The following GPC5 variants were observed in gnomAD, a reference collection of about 807,000 sequenced individuals.
The protein encoded by GPC5 is glypican 5, also known as glypican-5.
In GPC5, 47 loss-of-function variants were observed where a neutral mutation model predicts 53.9. The observed-to-expected ratio is 0.87, with a 90% CI of 0.69 to 1.11. The LOEUF (loss-of-function observed/expected upper bound fraction) is 1.11. Ranked by LOEUF, GPC5 falls within the 50% of genes most tolerant of loss-of-function variation. GPC5 has a pLI of 0.00. For missense variants in GPC5, 748 were observed against 713.1 expected, an observed-to-expected ratio of 1.05 and a Z score of -0.56; for synonymous variants, 286 against 263.3, an observed-to-expected ratio of 1.09 and a Z score of -0.84.
intron 7 of GPC5, among the ~76,000 whole-genome samples, chr13:92,406,095 G>A (rs1237568293): frequency 1.3e-5 from 2 of 152,246 alleles, no homozygotes; most frequent in East Asian, 1.9e-4. Context: ...CACCCTTTGT[G>A]TTCTGCACTG....
intron 7 of GPC5, among the ~76,000 whole-genome samples, chr13:92,439,371 CAG>C (rs1337186008): frequency 5.9e-5 from 9 of 152,268 alleles, no homozygotes; most frequent in Admixed American, 4.6e-4. Context: ...GTGACTTTGA[CAG>C]AGCATTTTCA....
intron 1 of GPC5, among the ~76,000 whole-genome samples, chr13:91,416,767 C>G (rs60512300): frequency 0.075 from 11,414 of 152,148 alleles, 1,372 homozygotes; most frequent in African/African-American, 0.26. Context: ...CATGTCCCTG[C>G]AAAGGACATG....
At position 92,125,923 on chromosome 13, in the gene GPC5, G is replaced by GTTTTTTTTTTTTTTTT. The variant is rs1566446337; in HGVS notation, c.1402-18907_1402-18906insTTTTTTTTTTTTTTTT. On this transcript the variant is annotated intron_variant, in intron 6 of 7. Transcript: ENST00000377067. ...ATTAGAAAGGAAACATTTGTTTTTT[G>GTTTTTTTTTTTTTTTT]GTTTTTTTTTTTTTTTTTTTTTTTT... is the stretch of plus-strand genomic sequence containing the variant. Among the ~76,000 whole-genome samples, 6 of 41,536 alleles carry GTTTTTTTTTTTTTTTT rather than the reference G, an allele frequency of 1.4e-4. 2 individuals carry two copies. The highest frequency in any genetic ancestry group is 9.9e-5 in the Non-Finnish European group (2 of 20,260). 27.2% of individuals were successfully genotyped at this position (41,536 alleles called of 152,430 possible).
intron 6 of GPC5, among the ~76,000 whole-genome samples, chr13:92,112,601 AG>A (rs2041566239): frequency 6.6e-6 from 1 of 152,144 alleles, no homozygotes; most frequent in Non-Finnish European, 1.5e-5. Flanking sequence ...GGCAAATGAT[AG>A]TGGATTATGA....
At chr13:91,421,163 C>G (rs907230458) in intron 1 of GPC5, among the ~76,000 whole-genome samples, 2 of 152,174 alleles carry the variant, frequency 1.3e-5, no homozygotes, top group African/African-American at 2.4e-5. Context: ...ATAAACACTT[C>G]CAAGGATTTT....
chr13:92,475,728 C>T (rs1257043139), intron 7 of GPC5, among the ~76,000 whole-genome samples: 13 of 152,172 alleles, frequency 8.5e-5, no homozygotes, highest in Admixed American at 2.6e-4. Context: ...TCAGAAATAA[C>T]GCTGAATATC....
rs1229202831 is a variant in GPC5, at chr13:92,347,907, TATATA to T, written c.1561+202924_1561+202928del. On this transcript the variant is annotated intron_variant, in intron 7 of 7. Transcript: ENST00000377067. Reference sequence around the variant, plus strand: ...TTATATATATTATATATATAATATATATATAATATATATATATTATATATACATCT... The same window carrying T: ...TTATATATATTATATATATAATATATATATATATATATTATATATACATCT... Among the ~76,000 whole-genome samples, 2 of 15,972 alleles carry T rather than the reference TATATA, an allele frequency of 1.3e-4. 1 individual carries two copies. Among genetic ancestry groups the T allele is most frequent in the Non-Finnish European group, 1.7e-4 (2 of 11,710 alleles). 10.5% of individuals were successfully genotyped at this position (15,972 alleles called of 152,430 possible).
chr13:92,859,077 C>CA, intron 7 of GPC5, among the ~76,000 whole-genome samples: 1 of 152,006 alleles, frequency 6.6e-6, no homozygotes, highest in Non-Finnish European at 1.5e-5. Flanking sequence ...CCCATCTCTA[C>CA]AAAAAACTTT....
intron 3 of GPC5, among the ~76,000 whole-genome samples, chr13:91,696,387 T>C (rs2035880148): frequency 6.6e-6 from 1 of 152,132 alleles, no homozygotes; most frequent in African/African-American, 2.4e-5. Flanking sequence ...AACAACTGAG[T>C]CCTCTTTTTT....
chr13:91,843,838 G>A (rs1395521514), intron 5 of GPC5, among the ~76,000 whole-genome samples: 1 of 152,064 alleles, frequency 6.6e-6, no homozygotes, highest in East Asian at 1.9e-4. Flanking sequence ...CTCCTGTTGC[G>A]GTGACTTGAT....
intron 5 of GPC5, among the ~76,000 whole-genome samples, chr13:91,882,789 T>A (rs2039281803): frequency 6.6e-6 from 1 of 151,070 alleles, no homozygotes; most frequent in African/African-American, 2.4e-5. Flanking sequence ...TTTGTGAACT[T>A]GCTTATAGTT....
chr13:91,471,911 G>A (rs938819092), intron 2 of GPC5, among the ~76,000 whole-genome samples: 1 of 152,090 alleles, frequency 6.6e-6, no homozygotes, highest in East Asian at 1.9e-4. Context: ...AACAGATTAG[G>A]ATTTTAGATT....
intron 6 of GPC5, among the ~76,000 whole-genome samples, chr13:92,008,511 A>G (rs2040631069): frequency 3.9e-5 from 6 of 151,934 alleles, no homozygotes; most frequent in Admixed American, 3.3e-4. Context: ...TTGGCAGCAC[A>G]TTCTTTCAGT....
At chr13:91,471,202 G>A (rs1689145904) in intron 2 of GPC5, among the ~76,000 whole-genome samples, 1 of 151,980 alleles carries the variant, frequency 6.6e-6, no homozygotes, top group Non-Finnish European at 1.5e-5. Flanking sequence ...CACCCCCTTG[G>A]GGCAGGACCT....
intron 7 of GPC5, among the ~76,000 whole-genome samples, chr13:92,637,707 T>C (rs1291034645): frequency 6.6e-6 from 1 of 152,136 alleles, no homozygotes; most frequent in Non-Finnish European, 1.5e-5. Flanking sequence ...TAAAATTCAC[T>C]ATGTCCAGCA....
chr13:92,088,481 C>G (rs116971810), intron 6 of GPC5, among the ~76,000 whole-genome samples: 5,602 of 152,220 alleles, frequency 0.037, 130 homozygotes, highest in Non-Finnish European at 0.056. Flanking sequence ...AGTTCTCTCA[C>G]ATTGGAATGA....
intron 3 of GPC5, among the ~76,000 whole-genome samples, chr13:91,727,462 C>A (rs1423492209): frequency 1.3e-5 from 2 of 152,084 alleles, no homozygotes; most frequent in East Asian, 1.9e-4. Context: ...ATTACAAGCT[C>A]TATTAGGAGA....
intron 6 of GPC5, among the ~76,000 whole-genome samples, chr13:92,133,151 C>G (rs1453364608): frequency 2.0e-5 from 3 of 152,084 alleles, no homozygotes; most frequent in Non-Finnish European, 4.4e-5. Flanking sequence ...CAAATGGCAC[C>G]CATTTTTCTC....
chr13:92,298,176 C>T lies in GPC5; in HGVS notation c.1561+153187C>T, dbSNP rs4322534. Among the ~76,000 whole-genome samples the T allele has an allele frequency of 8.6e-3, 1,313 of 152,262 alleles. 12 individuals are homozygous for T. Among genetic ancestry groups the T allele is most frequent in the Admixed American group, 0.018 (282 of 15,298 alleles). ...GCCAGTCTCACTCCTGCCGTGCCCC[C>T]TCGCCCACAGCACCCAGTCTGTTTC... On this transcript the variant is annotated intron_variant, in intron 7 of 7. Transcript: ENST00000377067.
Sources: allele counts gnomAD v4.1 joint callset (sites outside exome capture counted in the v4.1 genomes callset), GRCh38; gene constraint gnomAD v4.1.1; transcripts MANE v1.5; gene names NCBI Gene and HGNC (gene_info 2026-07-23, HGNC 2026-07-21).